Variants in STX18 observed in about 807,000 individuals in gnomAD.
STX18 encodes the protein syntaxin 18, also known as syntaxin-18.
STX18 carries 40 observed loss-of-function variants against 50.1 expected under a neutral mutation model. The ratio of observed to expected loss-of-function variants is 0.80; its 90% CI spans 0.62 to 1.04. The LOEUF is 1.04. STX18 is among the 50% of genes least tolerant of loss of function. STX18 has a pLI of 0.00. For missense variants in STX18, 410 were observed against 415.8 expected (o/e 0.99, Z 0.12); for synonymous variants, 158 against 151.8 (o/e 1.04, Z -0.30).
At chr4:4,524,953 G>A (rs921431061) in intron 1 of STX18, among the ~76,000 whole-genome samples, 24 of 152,084 alleles carry the variant, frequency 1.6e-4, no homozygotes, top group African/African-American at 4.8e-4. Context: ...GATAGGATAC[G>A]AAGAAAAGAA....
At chr4:4,531,560 C>G (rs190880497) in intron 1 of STX18, among the ~76,000 whole-genome samples, 3 of 152,188 alleles carry the variant, frequency 2.0e-5, no homozygotes, top group African/African-American at 7.2e-5. Flanking sequence ...CACAGCACCT[C>G]CCCGTTTCAC....
intron 2 of STX18, among the ~76,000 whole-genome samples, chr4:4,461,587 A>G (rs764270879): frequency 6.6e-6 from 1 of 152,252 alleles, no homozygotes; most frequent in Non-Finnish European, 1.5e-5. Flanking sequence ...CATACTCCAC[A>G]TAAAATGTTC....
intron 1 of STX18, among the ~76,000 whole-genome samples, chr4:4,501,589 T>C (rs574399900): frequency 6.6e-6 from 1 of 152,288 alleles, no homozygotes; most frequent in Admixed American, 6.5e-5. Context: ...TTCTAACATT[T>C]TATGATTCTT....
At chr4:4,533,494 G>C (rs910810516) in intron 1 of STX18, among the ~76,000 whole-genome samples, 1 of 152,136 alleles carries the variant, frequency 6.6e-6, no homozygotes, top group Non-Finnish European at 1.5e-5. Context: ...GTCCTTAACC[G>C]AGTTCCTGAC....
intron 1 of STX18, among the ~76,000 whole-genome samples, chr4:4,508,006 A>G (rs1729808145): frequency 6.6e-6 from 1 of 152,094 alleles, no homozygotes; most frequent in Non-Finnish European, 1.5e-5. Context: ...ACAAAAGTAA[A>G]AGGTATTCTG....
chr4:4,537,668 G>T (rs1193040961), intron 1 of STX18, among the ~76,000 whole-genome samples: 1 of 152,142 alleles, frequency 6.6e-6, no homozygotes, highest in Admixed American at 6.5e-5. Context: ...GCAAACAAAA[G>T]AACTCGGACT....
At chr4:4,457,336 T>A in intron 4 of STX18, 79 bp from the exon 5 acceptor site, 1 of 1,542,866 alleles carries the variant, frequency 6.5e-7, no homozygotes, top group Non-Finnish European at 9.0e-7. Context: ...TATAATGAGA[T>A]ACTACAGTCT....
intron 2 of STX18, among the ~76,000 whole-genome samples, chr4:4,460,518 G>A (rs1332715548): frequency 1.3e-5 from 2 of 152,080 alleles, no homozygotes; most frequent in Non-Finnish European, 2.9e-5. Flanking sequence ...GGGGTAAGAT[G>A]AGCACGAAGT....
intron 1 of STX18, among the ~76,000 whole-genome samples, chr4:4,493,975 A>G (rs1729057749): frequency 6.6e-6 from 1 of 152,232 alleles, no homozygotes; most frequent in Non-Finnish European, 1.5e-5. Flanking sequence ...TCATGCAAGA[A>G]AAGTCAACAA....
rs1729417110 is a variant in STX18, at chr4:4,500,825, C to T, written c.169-29119G>A. On this transcript the variant is annotated intron_variant, in intron 1 of 10. Transcript: ENST00000306200. ...CCAAGGTGGGTGGATCACCTGAGGT[C>T]AGGAGTTCAAGACCAGGCTGACCAA... Among the ~76,000 whole-genome samples the T allele has an allele frequency of 2.0e-5, 3 of 152,156 alleles. No homozygotes were observed. The South Asian group carries it at 6.2e-4, about 31-fold the overall frequency.
At chr4:4,426,111 C>G (rs991575404) in intron 7 of STX18, 4 of 152,190 alleles carry the variant, frequency 2.6e-5, no homozygotes, top group Admixed American at 6.5e-5. Flanking sequence ...TAAGCTCAAA[C>G]TTATTTCTCA....
chr4:4,460,334 TA>T (rs1227202253), intron 2 of STX18, among the ~76,000 whole-genome samples: 6 of 152,154 alleles, frequency 3.9e-5, no homozygotes, highest in Non-Finnish European at 5.9e-5. Context: ...AGTTGGAGAA[TA>T]TGCTTGATAC....
chr4:4,426,063 C>G (rs1213699218), intron 7 of STX18: 1 of 152,168 alleles, frequency 6.6e-6, no homozygotes, highest in Non-Finnish European at 1.5e-5. Flanking sequence ...CGATGCATCC[C>G]GCAGGCCCCA....
At chr4:4,423,677 A>C in intron 8 of STX18, 90 bp from the exon 9 acceptor site, 1 of 1,307,798 alleles carries the variant, frequency 7.6e-7, no homozygotes, top group Non-Finnish European at 1.1e-6. Flanking sequence ...CCTATCTTCT[A>C]CGTGAAGGTG....
At position 4,484,152 on chromosome 4, in the gene STX18, G is replaced by A. The variant is rs188418800; in HGVS notation, c.169-12446C>T. Among the ~76,000 whole-genome samples the A allele has an allele frequency of 6.1e-3, 929 of 152,154 alleles. 4 individuals are homozygous for A. Among genetic ancestry groups the A allele is most frequent in the South Asian group, 0.014 (67 of 4,814 alleles). The stretch of plus-strand genomic sequence containing the variant: ...GCTGGGATTACAGGTGTGAGCCACC[G>A]TGCCCGGCCCCTTCCTCTCAGGAAT... On this transcript the variant is annotated intron_variant, in intron 1 of 10. Coordinates refer to ENST00000306200, the MANE Select transcript of STX18 (RefSeq NM_016930.4).
In STX18 at chr4:4,451,288, A is replaced by G. The variant is rs145711492; in HGVS notation, c.497+5903T>C. Among the ~76,000 whole-genome samples the G allele has an allele frequency of 5.7e-3, 874 of 152,380 alleles. 6 individuals are homozygous for G. Among genetic ancestry groups the G allele is most frequent in the African/African-American group, 0.02 (830 of 41,584 alleles). ...GAACATAAAGAGACAGAAGAGAGAC[A>G]GATTTTTTCAGTTTTGAAACAAGAA... On this transcript the variant is annotated intron_variant, in intron 5 of 10. Transcript: ENST00000306200.
chr4:4,507,517 C>T (rs903489764), intron 1 of STX18: 39 of 768,126 alleles, frequency 5.1e-5, no homozygotes, highest in Admixed American at 3.3e-4. Context: ...TAAGCCAATT[C>T]GAAAAAGCCG....
At chr4:4,421,923 A>G (rs748960416) in intron 9 of STX18, among the ~76,000 whole-genome samples, 3 of 152,192 alleles carry the variant, frequency 2.0e-5, no homozygotes, top group Non-Finnish European at 2.9e-5. Context: ...GTCTGGCCCC[A>G]CAGGAGCAGA....
At chr4:4,500,380 T>A (rs1199517096) in intron 1 of STX18, among the ~76,000 whole-genome samples, 2 of 152,236 alleles carry the variant, frequency 1.3e-5, no homozygotes, top group Non-Finnish European at 2.9e-5. Flanking sequence ...ATGTGCAGAT[T>A]TTTTTCTTGT....
Sources: allele counts gnomAD v4.1 joint callset (sites outside exome capture counted in the v4.1 genomes callset), GRCh38; gene constraint gnomAD v4.1.1; transcripts MANE v1.5; gene names NCBI Gene and HGNC (gene_info 2026-07-23, HGNC 2026-07-21).